Variants in PIK3CB observed in about 807,000 individuals in gnomAD.
PIK3CB encodes phosphatidylinositol-4,5-bisphosphate 3-kinase catalytic subunit beta, also known as phosphatidylinositol 4,5-bisphosphate 3-kinase catalytic subunit beta isoform.
PIK3CB carries 39 observed loss-of-function variants against 136.8 expected under a neutral mutation model. That is an observed-to-expected ratio of 0.29 (90% CI 0.22 to 0.37). The LOEUF is 0.37. PIK3CB is among the 10% of genes least tolerant of loss of function. The pLI is 1.00. For synonymous variants in PIK3CB, 428 were observed against 436.6 expected, an observed-to-expected ratio of 0.98 and a Z score of 0.25; for missense variants, 868 against 1,275.4, an observed-to-expected ratio of 0.68 and a Z score of 4.87.
chr3:138,675,913 T>C (rs1047113543), intron 19 of PIK3CB, among the ~76,000 whole-genome samples: 2 of 152,194 alleles, frequency 1.3e-5, no homozygotes, highest in African/African-American at 4.8e-5. Flanking sequence ...GATGCCAAGA[T>C]AATTCAATGA....
intron 3 of PIK3CB, among the ~76,000 whole-genome samples, chr3:138,758,484 A>G (rs890638129): frequency 6.6e-6 from 1 of 152,248 alleles, no homozygotes; most frequent in African/African-American, 2.4e-5. Context: ...AAATAGGTGC[A>G]CCATGCATGA....
At chr3:138,719,916 G>A (rs2044691526) in intron 8 of PIK3CB, among the ~76,000 whole-genome samples, 1 of 152,022 alleles carries the variant, frequency 6.6e-6, no homozygotes, top group African/African-American at 2.4e-5. Context: ...AAAAAGGGGG[G>A]TAGGGGAAGA....
rs373365770 is a variant in PIK3CB, at chr3:138,776,698, AAAAC to A, written c.-16-17343_-16-17340del. 3.7e-3 allele frequency among the ~76,000 whole-genome samples: 561 copies of A among 151,674 alleles called. 3 individuals carry two copies. Among genetic ancestry groups the A allele is most frequent in the African/African-American group, 0.011 (460 of 41,216 alleles). On this transcript the variant is annotated intron_variant, in intron 2 of 23. Coordinates refer to ENST00000674063, the MANE Select transcript of PIK3CB (RefSeq NM_006219.3). ...GCGACAGAGTGAGACCCTGTCTCAA[AAAAC>A]AAACAAACAAACAAACAAACAAACA... is the stretch of plus-strand genomic sequence containing the variant.
chr3:138,711,235 A>C (rs200616139), intron 10 of PIK3CB, among the ~76,000 whole-genome samples: 2 of 143,748 alleles, frequency 1.4e-5, no homozygotes, highest in Admixed American at 7.0e-5. Context: ...GAAAAAAAAA[A>C]CCTACAAAAA....
chr3:138,723,782 T>A (rs1323378378), intron 8 of PIK3CB, among the ~76,000 whole-genome samples: 1 of 152,174 alleles, frequency 6.6e-6, no homozygotes, highest in Non-Finnish European at 1.5e-5. Context: ...GAATAAGATA[T>A]GAATTTTTTT....
chr3:138,690,551 C>A (rs1295547886), intron 15 of PIK3CB, among the ~76,000 whole-genome samples: 1 of 151,968 alleles, frequency 6.6e-6, no homozygotes, highest in Non-Finnish European at 1.5e-5. Flanking sequence ...TTATAGTATA[C>A]CTTTACCTTC....
intron 19 of PIK3CB, among the ~76,000 whole-genome samples, chr3:138,670,439 C>T (rs1349712413): frequency 2.6e-5 from 4 of 152,136 alleles, no homozygotes; most frequent in African/African-American, 7.2e-5. Flanking sequence ...CAAGTAAAAA[C>T]ATATTCCTGG....
intron 9 of PIK3CB, among the ~76,000 whole-genome samples, chr3:138,713,957 T>C (rs2044557221): frequency 6.6e-6 from 1 of 152,308 alleles, no homozygotes; most frequent in South Asian, 2.1e-4. Flanking sequence ...AAGCTAATGA[T>C]AGTCACATTT....
chr3:138,773,725 A>C (rs1418880461), intron 2 of PIK3CB, among the ~76,000 whole-genome samples: 1 of 152,122 alleles, frequency 6.6e-6, no homozygotes, highest in Non-Finnish European at 1.5e-5. Context: ...TTCTAATCTA[A>C]ATGTTCGACC....
intron 10 of PIK3CB, among the ~76,000 whole-genome samples, chr3:138,711,605 A>G (rs1464589641): frequency 6.8e-6 from 1 of 146,116 alleles, no homozygotes; most frequent in Non-Finnish European, 1.5e-5. Context: ...AAAAAAAAGA[A>G]GTTTAGTCTA....
chr3:138,659,703 T>C (rs920061730), intron 21 of PIK3CB, among the ~76,000 whole-genome samples: 6 of 152,088 alleles, frequency 3.9e-5, no homozygotes, highest in Non-Finnish European at 5.9e-5. Flanking sequence ...ACTTTCTCTT[T>C]ACGTCTGATG....
chr3:138,802,847 C>T (rs2046192911), intron 1 of PIK3CB, among the ~76,000 whole-genome samples: 1 of 152,210 alleles, frequency 6.6e-6, no homozygotes, highest in Non-Finnish European at 1.5e-5. Context: ...GCACACAATA[C>T]ATATCCTCTC....
intron 1 of PIK3CB, among the ~76,000 whole-genome samples, chr3:138,806,841 T>C (rs1018215614): frequency 2.1e-4 from 32 of 152,130 alleles, no homozygotes; most frequent in African/African-American, 7.2e-4. Context: ...ACCCTTAAAA[T>C]ACAAGAAACT....
chr3:138,685,480 T>C (rs190702801), intron 16 of PIK3CB, among the ~76,000 whole-genome samples: 4 of 150,040 alleles, frequency 2.7e-5, no homozygotes, highest in African/African-American at 7.4e-5. Context: ...CTGCAATTCA[T>C]TGTATAGTAG....
At chr3:138,700,119 G>C (rs1349285352) in intron 12 of PIK3CB, among the ~76,000 whole-genome samples, 1 of 152,166 alleles carries the variant, frequency 6.6e-6, no homozygotes, top group East Asian at 1.9e-4. Context: ...CTACTCAGGA[G>C]GCTGAGGTGG....
At chr3:138,825,958 C>T in intron 1 of PIK3CB, 1 of 1,559,578 alleles carries the variant, frequency 6.4e-7, no homozygotes, top group South Asian at 1.2e-5. Flanking sequence ...AAGCAGCTGG[C>T]TTCACTGCTC....
intron 1 of PIK3CB, among the ~76,000 whole-genome samples, chr3:138,833,114 T>C (rs1431237872): frequency 2.0e-5 from 3 of 149,650 alleles, no homozygotes; most frequent in Non-Finnish European, 4.4e-5. Flanking sequence ...TTGCCCAGGC[T>C]GGAGTCCAGT....
intron 13 of PIK3CB, among the ~76,000 whole-genome samples, chr3:138,697,220 ATGCTTAGATCT>A (rs369902164): frequency 4.1e-4 from 63 of 152,334 alleles, no homozygotes; most frequent in African/African-American, 1.5e-3. Flanking sequence ...AACTAAAAAA[ATGCTTAGATCT>A]TGTTTTCCAT....
chr3:138,783,830 T>C (rs2045946107), intron 2 of PIK3CB, among the ~76,000 whole-genome samples: 2 of 152,142 alleles, frequency 1.3e-5, no homozygotes, highest in East Asian at 1.9e-4. Flanking sequence ...AAACAACTTT[T>C]GAAAGTTACA....
Sources: allele counts gnomAD v4.1 joint callset (sites outside exome capture counted in the v4.1 genomes callset), GRCh38; gene constraint gnomAD v4.1.1; transcripts MANE v1.5; gene names NCBI Gene and HGNC (gene_info 2026-07-23, HGNC 2026-07-21).